The following ATP10B variants were observed in gnomAD, a reference collection of about 807,000 sequenced individuals.
The protein encoded by ATP10B is ATPase phospholipid transporting 10B (putative).
In ATP10B, 122 loss-of-function variants were observed where a neutral mutation model predicts 141.2. The observed-to-expected ratio is 0.86, with a 90% CI of 0.75 to 1.00. ATP10B has a LOEUF of 1.00. Ranked by LOEUF, ATP10B falls within the 50% of genes least tolerant of loss-of-function variation. ATP10B has a pLI of 0.00. For missense variants in ATP10B, 1,876 were observed against 1,825.3 expected, an observed-to-expected ratio of 1.03 and a Z score of -0.51; for synonymous variants, 685 against 692.0, an observed-to-expected ratio of 0.99 and a Z score of 0.16.
At chr5:160,744,936 A>G (rs1160204691) in intron 2 of ATP10B, among the ~76,000 whole-genome samples, 2 of 152,166 alleles carry the variant, frequency 1.3e-5, no homozygotes, top group Non-Finnish European at 1.5e-5. Context: ...TGAGGAGCTG[A>G]GCAGCAGGGC....
chr5:160,595,793 A>G (rs1341630437), intron 22 of ATP10B, among the ~76,000 whole-genome samples: 1 of 151,690 alleles, frequency 6.6e-6, no homozygotes, highest in Admixed American at 6.6e-5. Context: ...AAAATCTAGA[A>G]GAAATGGATA....
At chr5:160,580,019 C>G (rs980647088) in intron 24 of ATP10B, among the ~76,000 whole-genome samples, 2 of 152,004 alleles carry the variant, frequency 1.3e-5, no homozygotes, top group African/African-American at 4.8e-5. Flanking sequence ...ATTTTGTATC[C>G]CAAGACTTTG....
chr5:160,854,641 A>G (rs1035240390), upstream of ATP10B, among the ~76,000 whole-genome samples: 1 of 152,142 alleles, frequency 6.6e-6, no homozygotes, highest in African/African-American at 2.4e-5. Flanking sequence ...ATACCTGTGC[A>G]TGTGTCTTTA....
chr5:160,816,538 A>T (rs563764791), intron 1 of ATP10B, among the ~76,000 whole-genome samples: 2 of 152,312 alleles, frequency 1.3e-5, no homozygotes, highest in Admixed American at 1.3e-4. Flanking sequence ...AAAATCCAGG[A>T]CCACATGGAT....
chr5:160,622,891 A>C (rs991395270), intron 13 of ATP10B, among the ~76,000 whole-genome samples: 5 of 151,964 alleles, frequency 3.3e-5, no homozygotes, highest in Non-Finnish European at 7.4e-5. Context: ...ACCAGCCTCT[A>C]AACTAATACT....
Position 160,674,767 on chromosome 5 carries a change from TA to T in ATP10B, c.471-4101del, listed in dbSNP as rs959033262. 8.9e-4 allele frequency among the ~76,000 whole-genome samples: 130 copies of T among 146,508 alleles called. 1 individual carries two copies. Among genetic ancestry groups the T allele is most frequent in the African/African-American group, 2.2e-3 (87 of 40,070 alleles). ...TCCATATGACTTTGGGAGCATTCAT[TA>T]AAAAAAAAAAGTTTAGGGGAAACAT... On this transcript the variant is annotated intron_variant, in intron 6 of 25. Transcript: ENST00000327245.
At chr5:160,693,253 A>C (rs921994876) in intron 3 of ATP10B, among the ~76,000 whole-genome samples, 1 of 152,212 alleles carries the variant, frequency 6.6e-6, no homozygotes, top group Non-Finnish European at 1.5e-5. Context: ...ATCTGAATAT[A>C]AACTACAGTT....
the ATP10B span, among the ~76,000 whole-genome samples, chr5:160,866,857 C>T: frequency 6.6e-6 from 1 of 151,882 alleles, no homozygotes; most frequent in African/African-American, 2.4e-5. Flanking sequence ...TGTGAAAATA[C>T]CCACCTGTAC....
At chr5:160,613,622 C>T (rs1757847371) in intron 17 of ATP10B, among the ~76,000 whole-genome samples, 2 of 152,118 alleles carry the variant, frequency 1.3e-5, no homozygotes, top group Admixed American at 1.3e-4. Context: ...CCTGGACTGG[C>T]CTAGCAGCAA....
At chr5:160,825,376 A>G (rs1203546317) in intron 1 of ATP10B, among the ~76,000 whole-genome samples, 1 of 152,178 alleles carries the variant, frequency 6.6e-6, no homozygotes, top group Non-Finnish European at 1.5e-5. Context: ...GTAATGAGTA[A>G]GTCTCACAAG....
At chr5:160,596,022 A>T (rs1310808120) in intron 22 of ATP10B, among the ~76,000 whole-genome samples, 1 of 152,014 alleles carries the variant, frequency 6.6e-6, no homozygotes, top group African/African-American at 2.4e-5. Flanking sequence ...AAAAGAGGGA[A>T]TCCTCCCTAA....
At position 160,663,088 on chromosome 5, in the gene ATP10B, G is replaced by A. The variant is rs537737414; in HGVS notation, c.675+7375C>T. ...GAAATGCAAATCAAAACCACAATGA[G>A]ATACCATCTCACACCAGTTAGAATG... is the stretch of plus-strand genomic sequence containing the variant. On this transcript the variant is annotated intron_variant, in intron 7 of 25. Transcript: ENST00000327245. 3.1e-3 allele frequency among the ~76,000 whole-genome samples: 479 copies of A among 152,262 alleles called. 2 individuals carry two copies. The highest frequency in any genetic ancestry group is 0.011 in the African/African-American group (447 of 41,536).
intron 2 of ATP10B, among the ~76,000 whole-genome samples, chr5:160,766,390 T>C (rs7726645): frequency 0.7 from 99,957 of 143,146 alleles, 33,500 homozygotes; most frequent in African/African-American, 0.76. Flanking sequence ...ACACAGACAC[T>C]CACCATGGAA....
chr5:160,620,315 T>A, intron 15 of ATP10B, 32 bp downstream of exon 15: 2 of 1,573,718 alleles, frequency 1.3e-6, no homozygotes. Context: ...TAGAACTCTC[T>A]GTGCCTGGAA....
chr5:160,688,175 G>A, intron 4 of ATP10B, 81 bp from the exon 5 acceptor site: 1 of 1,424,580 alleles, frequency 7.0e-7, no homozygotes, highest in Non-Finnish European at 9.4e-7. Context: ...CATCCATGCA[G>A]GGTAGACACT....
At chr5:160,731,775 C>T (rs1766758426) in intron 2 of ATP10B, among the ~76,000 whole-genome samples, 1 of 152,158 alleles carries the variant, frequency 6.6e-6, no homozygotes, top group Non-Finnish European at 1.5e-5. Flanking sequence ...TTGCTTGACC[C>T]TGAATTGTCT....
chr5:160,809,333 TATC>T (rs1187084997), intron 1 of ATP10B, among the ~76,000 whole-genome samples: 1 of 152,312 alleles, frequency 6.6e-6, no homozygotes, highest in Non-Finnish European at 1.5e-5. Context: ...TGGTTTTTGT[TATC>T]ATTTTATTTC....
the ATP10B span, among the ~76,000 whole-genome samples, chr5:160,872,042 C>A: frequency 6.6e-6 from 1 of 152,150 alleles, no homozygotes; most frequent in Admixed American, 6.5e-5. Flanking sequence ...ACTTCTACAT[C>A]TGCACCAATA....
At chr5:160,795,841 C>T (rs1054985118) in intron 1 of ATP10B, among the ~76,000 whole-genome samples, 3 of 152,054 alleles carry the variant, frequency 2.0e-5, no homozygotes, top group African/African-American at 7.2e-5. Flanking sequence ...CTACAGCCCC[C>T]AGAGGAAGCA....
Sources: gnomAD v4.1 joint callset for allele counts (sites outside exome capture counted in the v4.1 genomes callset) on GRCh38, gnomAD v4.1.1 for gene constraint, MANE v1.5 for transcripts, NCBI Gene and HGNC (gene_info 2026-07-23, HGNC 2026-07-21) for gene names.